The following LUZP2 variants were observed in gnomAD, a reference collection of about 807,000 sequenced individuals.
LUZP2 encodes leucine zipper protein 2.
LUZP2 carries 52 observed loss-of-function variants against 51.6 expected under a neutral mutation model. The observed-to-expected ratio is 1.01, with a 90% CI of 0.81 to 1.27. LUZP2 has a LOEUF of 1.27. Among genes scored for constraint, LUZP2 ranks in the 50% most tolerant of loss-of-function variants. The pLI is 0.00. For missense variants in LUZP2, 436 were observed against 395.4 expected, an observed-to-expected ratio of 1.10 and a Z score of -0.87; for synonymous variants, 154 against 137.3, an observed-to-expected ratio of 1.12 and a Z score of -0.85.
In LUZP2 at chr11:24,816,208, G is replaced by C. The variant is rs562687304; in HGVS notation, c.396+52900G>C. 1.1e-4 allele frequency among the ~76,000 whole-genome samples: 16 copies of C among 152,082 alleles called. 1 individual carries two copies. In the South Asian group the frequency reaches 3.3e-3, roughly 32 times the overall value. On this transcript the variant is annotated intron_variant, in intron 5 of 11. Transcript: ENST00000336930. ...CCCCACGTGGTAGTTAGAATGATCTGAACAAGTCATTTTCCTCTGTGAGGC... is the reference window on the plus strand; with the variant it reads ...CCCCACGTGGTAGTTAGAATGATCTCAACAAGTCATTTTCCTCTGTGAGGC...
intron 5 of LUZP2, among the ~76,000 whole-genome samples, chr11:24,880,341 G>A (rs1005587594): frequency 7.6e-6 from 1 of 131,232 alleles, no homozygotes; most frequent in Admixed American, 7.9e-5. Context: ...GGGTGGCATT[G>A]GTAATTCAAC....
chr11:24,511,151 G>A (rs1286879501), intron 1 of LUZP2, among the ~76,000 whole-genome samples: 5 of 152,088 alleles, frequency 3.3e-5, no homozygotes, highest in African/African-American at 1.2e-4. Context: ...CTTCCCTTCT[G>A]ACTGTTTATG....
intron 1 of LUZP2, among the ~76,000 whole-genome samples, chr11:24,592,575 T>A (rs1213734066): frequency 2.0e-5 from 3 of 152,140 alleles, no homozygotes; most frequent in African/African-American, 7.2e-5. Context: ...AAGACTTTCC[T>A]CAGCCTTATT....
intron 7 of LUZP2, among the ~76,000 whole-genome samples, chr11:24,944,706 C>G (rs903462777): frequency 6.6e-5 from 10 of 152,096 alleles, no homozygotes; most frequent in African/African-American, 1.9e-4. Flanking sequence ...GATGGAGTAG[C>G]ATGGTCAAAC....
intron 9 of LUZP2, among the ~76,000 whole-genome samples, chr11:25,011,957 G>A (rs774514637): frequency 6.6e-6 from 1 of 152,014 alleles, no homozygotes; most frequent in Non-Finnish European, 1.5e-5. Flanking sequence ...ACAAAATGGA[G>A]ATGGTTAATA....
intron 5 of LUZP2, among the ~76,000 whole-genome samples, chr11:24,794,172 T>C (rs1849484549): frequency 6.6e-6 from 1 of 152,078 alleles, no homozygotes; most frequent in Admixed American, 6.6e-5. Context: ...ATCTAACTTA[T>C]ACAGATTTTA....
Position 24,938,448 on chromosome 11 carries a change from C to A in LUZP2, c.522+23910C>A, listed in dbSNP as rs148433385. Among the ~76,000 whole-genome samples, 206 of 152,220 alleles carry A rather than the reference C, an allele frequency of 1.4e-3. 1 individual carries two copies. The highest frequency in any genetic ancestry group is 4.9e-4 in the Non-Finnish European group (33 of 68,018). On this transcript the variant is annotated intron_variant, in intron 7 of 11. Transcript: ENST00000336930. ...CTTTAATCTTAGATGCATCAGACTC[C>A]TTTGCTATAATAATTTGGTTTTATA... is the stretch of plus-strand genomic sequence containing the variant.
At chr11:24,613,843 C>A (rs993232015) in intron 1 of LUZP2, among the ~76,000 whole-genome samples, 2 of 152,012 alleles carry the variant, frequency 1.3e-5, no homozygotes, top group African/African-American at 4.8e-5. Context: ...TATATTAAAT[C>A]TTTCAAAAAT....
At chr11:24,843,891 G>A (rs2465751) in intron 5 of LUZP2, among the ~76,000 whole-genome samples, 22,982 of 152,094 alleles carry the variant, frequency 0.15, 1,904 homozygotes, top group African/African-American at 0.2. Context: ...GATGTGACTT[G>A]CTCCTCATTA....
At chr11:24,830,917 C>T (rs1352648944) in intron 5 of LUZP2, among the ~76,000 whole-genome samples, 1 of 152,008 alleles carries the variant, frequency 6.6e-6, no homozygotes, top group Non-Finnish European at 1.5e-5. Context: ...TGGCGTGAAC[C>T]CGGGAGGTGG....
intron 1 of LUZP2, among the ~76,000 whole-genome samples, chr11:24,703,136 T>C (rs1264610251): frequency 6.6e-6 from 1 of 152,228 alleles, no homozygotes; most frequent in Non-Finnish European, 1.5e-5. Flanking sequence ...TATTTTCATG[T>C]ACTCAGTCCT....
chr11:25,049,717 T>G (rs1858431664), intron 9 of LUZP2, among the ~76,000 whole-genome samples: 2 of 152,012 alleles, frequency 1.3e-5, no homozygotes, highest in African/African-American at 4.8e-5. Context: ...GATATATACT[T>G]TGTGGGGGAC....
At chr11:24,570,041 G>A (rs1241312903) in intron 1 of LUZP2, among the ~76,000 whole-genome samples, 1 of 151,960 alleles carries the variant, frequency 6.6e-6, no homozygotes, top group African/African-American at 2.4e-5. Flanking sequence ...AACTCTATCA[G>A]AAGACTACTA....
intron 5 of LUZP2, among the ~76,000 whole-genome samples, chr11:24,777,842 T>A (rs1470309438): frequency 1.3e-5 from 2 of 152,110 alleles, no homozygotes; most frequent in East Asian, 3.9e-4. Flanking sequence ...GTATACAACA[T>A]GAAATCTCTC....
In LUZP2 at chr11:25,016,282, T is replaced by C. The variant is rs114395169; in HGVS notation, c.765+32989T>C. Among the ~76,000 whole-genome samples the C allele has an allele frequency of 6.8e-3, 1,035 of 152,144 alleles. 13 individuals carry two copies. Among genetic ancestry groups the C allele is most frequent in the African/African-American group, 0.021 (855 of 41,516 alleles). On this transcript the variant is annotated intron_variant, in intron 9 of 11. Coordinates refer to ENST00000336930, the MANE Select transcript of LUZP2 (RefSeq NM_001009909.4). ...AGTATATATTTTACCCAACATATAATTATTTATCCCTCACCCTTCTTCCAA... is the reference window on the plus strand; with the variant it reads ...AGTATATATTTTACCCAACATATAACTATTTATCCCTCACCCTTCTTCCAA...
chr11:25,025,522 T>G (rs1258594022), intron 9 of LUZP2, among the ~76,000 whole-genome samples: 1 of 152,156 alleles, frequency 6.6e-6, no homozygotes, highest in Non-Finnish European at 1.5e-5. Context: ...AGACATTTAT[T>G]CACCCAACAG....
At chr11:24,650,013 C>T (rs1855579461) in intron 1 of LUZP2, among the ~76,000 whole-genome samples, 1 of 148,162 alleles carries the variant, frequency 6.7e-6, no homozygotes, top group East Asian at 2.1e-4. Flanking sequence ...ACACAGATAA[C>T]ATTTTGATGT....
chr11:25,024,000 A>G (rs987853541), intron 9 of LUZP2, among the ~76,000 whole-genome samples: 2 of 152,130 alleles, frequency 1.3e-5, no homozygotes, highest in African/African-American at 4.8e-5. Context: ...TCTGAGAGAC[A>G]GTTTGTTATA....
chr11:24,705,229 T>C (rs1857540695), intron 1 of LUZP2, among the ~76,000 whole-genome samples: 1 of 152,194 alleles, frequency 6.6e-6, no homozygotes, highest in Non-Finnish European at 1.5e-5. Context: ...TAAAAGGTTG[T>C]TCTTGCCTCT....
Sources: allele counts gnomAD v4.1 joint callset (sites outside exome capture counted in the v4.1 genomes callset), GRCh38; gene constraint gnomAD v4.1.1; transcripts MANE v1.5; gene names NCBI Gene and HGNC (gene_info 2026-07-23, HGNC 2026-07-21).